The following ITGB3BP variants were observed in gnomAD, a reference collection of about 807,000 sequenced individuals.
The protein encoded by ITGB3BP is integrin subunit beta 3 binding protein, also known as centromere protein R.
ITGB3BP carries 27 observed loss-of-function variants against 29.1 expected under a neutral mutation model. That is an observed-to-expected ratio of 0.93 (90% CI 0.68 to 1.28). ITGB3BP has a LOEUF of 1.28. Among genes scored for constraint, ITGB3BP ranks in the 50% most tolerant of loss-of-function variants. The pLI, the probability that ITGB3BP is intolerant of heterozygous loss-of-function variation, is 0.00. For synonymous variants in ITGB3BP, 61 were observed against 61.4 expected, an observed-to-expected ratio of 0.99 and a Z score of 0.03; for missense variants, 192 against 200.2, an observed-to-expected ratio of 0.96 and a Z score of 0.25.
rs192127025 is a variant in ITGB3BP at position 63,502,495 on chromosome 1, G to A, written c.48+6033C>T. On this transcript the variant is annotated intron_variant, in intron 2 of 8. Coordinates refer to ENST00000271002, the MANE Select transcript of ITGB3BP (RefSeq NM_014288.5). ...GCTGGGAAGGCCTCAGAATCATGGC[G>A]GGAGGCAAAAGGCACTTCTTTTTTT... 5.1e-4 allele frequency among the ~76,000 whole-genome samples: 75 copies of A among 146,036 alleles called. 1 individual carries two copies. Among genetic ancestry groups the A allele is most frequent in the African/African-American group, 1.7e-3 (69 of 39,604 alleles).
upstream of ITGB3BP, chr1:63,523,273 A>C: frequency 9.0e-7 from 1 of 1,109,632 alleles, no homozygotes; most frequent in Non-Finnish European, 1.4e-6. Context: ...GGCCGGGCGG[A>C]AACATCCTCC....
chr1:63,444,789 G>A (rs1644771222), intron 8 of ITGB3BP, among the ~76,000 whole-genome samples: 1 of 151,874 alleles, frequency 6.6e-6, no homozygotes, highest in Non-Finnish European at 1.5e-5. Flanking sequence ...GTGGTGGCAA[G>A]AGCACAGGCA....
intron 4 of ITGB3BP, among the ~76,000 whole-genome samples, chr1:63,458,782 A>G (rs1202505547): frequency 2.0e-5 from 3 of 152,196 alleles, no homozygotes; most frequent in Non-Finnish European, 4.4e-5. Flanking sequence ...AAGTGCCTGC[A>G]GTTATGGGAG....
intron 1 of ITGB3BP, among the ~76,000 whole-genome samples, chr1:63,522,439 T>C (rs1341054396): frequency 2.6e-5 from 4 of 152,028 alleles, no homozygotes; most frequent in Admixed American, 6.6e-5. Flanking sequence ...TCCACCCCAC[T>C]CCCCCAACCT....
At chr1:63,478,555 G>GT (rs1645381637) in intron 4 of ITGB3BP, among the ~76,000 whole-genome samples, 1 of 152,160 alleles carries the variant, frequency 6.6e-6, no homozygotes, top group Non-Finnish European at 1.5e-5. Context: ...GGCTCAATGA[G>GT]TATTAAAATT....
chr1:63,474,376 C>T (rs1265593401), intron 4 of ITGB3BP, among the ~76,000 whole-genome samples: 2 of 149,088 alleles, frequency 1.3e-5, no homozygotes, highest in Admixed American at 6.6e-5. Flanking sequence ...TGCCCGGCCA[C>T]GACCCCGTCT....
chr1:63,469,047 CAAAAAA>C (rs67619203), intron 4 of ITGB3BP, among the ~76,000 whole-genome samples: 2 of 142,642 alleles, frequency 1.4e-5, no homozygotes, highest in Admixed American at 1.4e-4. Context: ...GAGACTGTTT[CAAAAAA>C]AAAAAAAAGT....
intron 1 of ITGB3BP, among the ~76,000 whole-genome samples, chr1:63,513,813 C>A (rs924040850): frequency 9.9e-5 from 15 of 152,196 alleles, no homozygotes; most frequent in African/African-American, 3.1e-4. Flanking sequence ...CACATAAAAA[C>A]TAGTTTCAGA....
chr1:63,448,186 G>GTGA (rs984988696), intron 7 of ITGB3BP, among the ~76,000 whole-genome samples: 3 of 99,982 alleles, frequency 3.0e-5, no homozygotes, highest in African/African-American at 3.9e-5. Context: ...TTGTGGGGTG[G>GTGA]GGGGAGGGGG....
chr1:63,516,330 G>A (rs71643680), intron 1 of ITGB3BP, among the ~76,000 whole-genome samples: 18,885 of 83,746 alleles, frequency 0.23, 2,440 homozygotes, highest in African/African-American at 0.35. Flanking sequence ...GGAGAGGGGA[G>A]GGGAAGGGAA....
At chr1:63,505,119 C>T (rs939367094) in intron 2 of ITGB3BP, among the ~76,000 whole-genome samples, 23 of 151,992 alleles carry the variant, frequency 1.5e-4, no homozygotes, top group African/African-American at 5.3e-4. Flanking sequence ...TGGTAGAATT[C>T]GGCTGTGAAT....
At chr1:63,526,743 T>A (rs555058015), upstream of ITGB3BP, among the ~76,000 whole-genome samples, 2 of 152,380 alleles carry the variant, frequency 1.3e-5, no homozygotes, top group East Asian at 1.9e-4. Context: ...TCATATACAT[T>A]AAATGTTTAG....
At chr1:63,520,786 T>C (rs12124096) in intron 1 of ITGB3BP, among the ~76,000 whole-genome samples, 23,280 of 152,122 alleles carry the variant, frequency 0.15, 2,211 homozygotes, top group South Asian at 0.22. Flanking sequence ...AAGGCATCTA[T>C]TAAACTGTAT....
intron 8 of ITGB3BP, among the ~76,000 whole-genome samples, chr1:63,441,569 G>C (rs981588945): frequency 6.6e-6 from 1 of 151,906 alleles, no homozygotes; most frequent in Non-Finnish European, 1.5e-5. Flanking sequence ...ACTAGTAACT[G>C]TCAATATGAC....
intron 3 of ITGB3BP, among the ~76,000 whole-genome samples, chr1:63,483,735 A>C (rs1645478810): frequency 1.3e-5 from 2 of 152,192 alleles, no homozygotes; most frequent in South Asian, 4.1e-4. Flanking sequence ...CATATATGAC[A>C]GTGGTCTCAT....
intron 7 of ITGB3BP, 199 bp downstream of exon 7, chr1:63,453,719 C>A: frequency 2.5e-6 from 1 of 397,846 alleles, no homozygotes; most frequent in South Asian, 6.3e-5. Flanking sequence ...AGAAGTTGAT[C>A]TCATCAGATA....
chr1:63,455,237 G>GAATCAGT, intron 4 of ITGB3BP, among the ~76,000 whole-genome samples: 1 of 151,844 alleles, frequency 6.6e-6, no homozygotes, highest in African/African-American at 2.4e-5. Context: ...CATTTACCTT[G>GAATCAGT]ATCTGAGTCT....
intron 3 of ITGB3BP, among the ~76,000 whole-genome samples, chr1:63,487,099 T>C (rs1383196965): frequency 6.6e-6 from 1 of 152,074 alleles, no homozygotes; most frequent in Non-Finnish European, 1.5e-5. Flanking sequence ...TTTTTTATAA[T>C]AAATTTGTGT....
intron 4 of ITGB3BP, among the ~76,000 whole-genome samples, chr1:63,477,230 T>C (rs540371784): frequency 1.3e-5 from 2 of 152,224 alleles, no homozygotes; most frequent in Non-Finnish European, 2.9e-5. Context: ...TAATCTGGAC[T>C]ACTACCAAAA....
Sources: gnomAD v4.1 joint callset for allele counts (sites outside exome capture counted in the v4.1 genomes callset) on GRCh38, gnomAD v4.1.1 for gene constraint, MANE v1.5 for transcripts, NCBI Gene and HGNC (gene_info 2026-07-23, HGNC 2026-07-21) for gene names.